The following VAC14 variants were observed in gnomAD, a reference collection of about 807,000 sequenced individuals.
VAC14 encodes the protein VAC14 component of PIKFYVE complex, also known as protein VAC14 homolog.
Under a neutral mutation model 85.3 loss-of-function variants are expected in VAC14, and 47 were observed. The observed-to-expected ratio is 0.55, with a 90% CI of 0.44 to 0.70. The LOEUF is 0.70. Among genes scored for constraint, VAC14 ranks in the 30% least tolerant of loss-of-function variants. The pLI is 0.00. For missense variants in VAC14, 861 were observed against 1,004.3 expected (o/e 0.86, Z 1.93); for synonymous variants, 447 against 430.5 (o/e 1.04, Z -0.47).
chr16:70,692,943 C>A lies in VAC14; in HGVS notation c.2064G>T (p.Lys688Asn). ...GGGCCTTGATCAGGTAGGGGTTGTT[C>A]TTCACGTCCAGCAGCTGCAGGCGCA... ...TYLRLQLLDV[K>N]NNPYLIKALY... is the part of the protein sequence containing the mutation. The change falls in exon 18 of 19, where the codon AAG (lysine) becomes AAT (asparagine). Residue 688 changes from lysine (K) to asparagine (N), a missense_variant. By Grantham distance (94) the Lys-to-Asn change is moderately conservative. This residue lies in a region of VAC14 where 163 missense variants were observed against 162.2 expected (regional missense o/e 1.00). Coordinates refer to ENST00000261776, the MANE Select transcript of VAC14 (RefSeq NM_018052.5). 1 of 1,611,332 alleles carries A rather than the reference C, an allele frequency of 6.2e-7. No homozygotes were observed. Among genetic ancestry groups the A allele is most frequent in the East Asian group, 2.2e-5 (1 of 44,838 alleles).
intron 12 of VAC14, among the ~76,000 whole-genome samples, chr16:70,745,373 T>C (rs1418209043): frequency 2.6e-5 from 4 of 152,120 alleles, no homozygotes; most frequent in Non-Finnish European, 5.9e-5. Flanking sequence ...ACAGCACCCA[T>C]CTTTGCCTGG....
chr16:70,787,187 C>T (rs1449928205), intron 1 of VAC14, among the ~76,000 whole-genome samples: 1 of 152,162 alleles, frequency 6.6e-6, no homozygotes. Context: ...TGGGCTGGGG[C>T]AGGCATGGGT....
chr16:70,743,015 A>G (rs955228296), intron 13 of VAC14, among the ~76,000 whole-genome samples: 2 of 152,028 alleles, frequency 1.3e-5, no homozygotes, highest in African/African-American at 2.4e-5. Context: ...AAATGCACCA[A>G]TCAGCACTCT....
intron 12 of VAC14, among the ~76,000 whole-genome samples, chr16:70,746,342 T>C (rs2143013946): frequency 6.6e-6 from 1 of 152,340 alleles, no homozygotes; most frequent in East Asian, 1.9e-4. Flanking sequence ...TGTCCAATTC[T>C]GTCCTTCCCT....
chr16:70,740,770 C>G (rs76005315), intron 13 of VAC14, among the ~76,000 whole-genome samples: 1,748 of 152,336 alleles, frequency 0.011, 23 homozygotes, highest in African/African-American at 0.028. Flanking sequence ...CCCGATTCTG[C>G]GGCTCTGCAC....
chr16:70,744,779 A>C (rs2030709223), intron 12 of VAC14, 200 bp from the exon 13 acceptor site: 1 of 555,840 alleles, frequency 1.8e-6, no homozygotes, highest in Non-Finnish European at 3.0e-6. Context: ...TGAAGGGAAC[A>C]CAGACTACAG....
intron 14 of VAC14, among the ~76,000 whole-genome samples, chr16:70,729,457 C>T (rs1195782651): frequency 1.3e-5 from 2 of 152,162 alleles, no homozygotes; most frequent in African/African-American, 2.4e-5. Flanking sequence ...AGGGTGCCCT[C>T]AACTCCACCT....
chr16:70,711,185 G>A (rs541344374), intron 14 of VAC14, among the ~76,000 whole-genome samples: 1 of 152,336 alleles, frequency 6.6e-6, no homozygotes, highest in Non-Finnish European at 1.5e-5. Context: ...GACCACGTGC[G>A]GGCCTCACCT....
intron 16 of VAC14, 69 bp downstream of exon 16, chr16:70,697,070 G>T: frequency 7.4e-7 from 1 of 1,350,974 alleles, no homozygotes; most frequent in Non-Finnish European, 1.1e-6. Flanking sequence ...CTGTTGGGTG[G>T]AAAGGGGGCA....
chr16:70,719,152 A>G (rs1174395065), intron 14 of VAC14, among the ~76,000 whole-genome samples: 1 of 152,190 alleles, frequency 6.6e-6, no homozygotes, highest in Non-Finnish European at 1.5e-5. Context: ...GCTTTTACAA[A>G]GCACAAACAG....
chr16:70,800,874 C>A lies in VAC14; in HGVS notation c.27G>T (p.Pro9=), dbSNP rs1347587228. ...GGGCGCGCACGATGTTAGGCGTGAG[C>A]GGCGCGAAATCCTTCTCGGGGTTCA... MNPEKDFA[P]LTPNIVRALN... is the part of the protein sequence containing the mutation. Residue 9 remains proline (P), a synonymous_variant, in exon 1 of 19, where the codon CCG becomes CCT. Transcript: ENST00000261776. The A allele has an allele frequency of 6.2e-7, 1 of 1,602,646 alleles. No individual in the cohort carries two copies.
Position 70,762,919 on chromosome 16 carries a change from T to C in VAC14, c.1267A>G (p.Lys423Glu). 6.2e-7 allele frequency: 1 copy of C among 1,614,148 alleles called. No homozygotes were observed. The change falls in exon 11 of 19, where the codon AAG (lysine) becomes GAG (glutamate). Residue 423 changes from lysine to glutamate, a missense_variant. Physicochemically the swap from Lys to Glu is moderately conservative, Grantham distance 56. Coordinates refer to ENST00000261776, the MANE Select transcript of VAC14 (RefSeq NM_018052.5). The surrounding 1 kb of genome is among the most constrained non-coding windows in gnomAD (Gnocchi z 4.1). ...TTGATGTAGAGGTGGTAGAGCCACT[T>C]GAGAACTGCAATCCTGGTCATCATC... The part of the protein sequence containing the change: ...IGMMTRIAVL[K>E]WLYHLYIKTP...
chr16:70,733,029 G>A (rs1007214820), intron 13 of VAC14, among the ~76,000 whole-genome samples: 1 of 152,198 alleles, frequency 6.6e-6, no homozygotes, highest in African/African-American at 2.4e-5. Flanking sequence ...TTTAAAGTGT[G>A]CAATTCAGTA....
intron 9 of VAC14, among the ~76,000 whole-genome samples, chr16:70,775,520 T>G (rs746991631): frequency 2.0e-5 from 3 of 152,244 alleles, no homozygotes; most frequent in African/African-American, 7.2e-5. Flanking sequence ...TTTATTTCCA[T>G]GTCTGTACTG....
At chr16:70,736,925 G>A (rs2054773923) in intron 13 of VAC14, among the ~76,000 whole-genome samples, 1 of 152,130 alleles carries the variant, frequency 6.6e-6, no homozygotes, top group African/African-American at 2.4e-5. Flanking sequence ...GACAGGGATG[G>A]GAAAGGCCTC....
chr16:70,688,417 G>A (rs1332733725), intron 18 of VAC14: 2 of 1,019,048 alleles, frequency 2.0e-6, no homozygotes, highest in Admixed American at 1.2e-4. Context: ...TGAAAGCCAG[G>A]GCTAGCAGCC....
intron 10 of VAC14, chr16:70,770,908 G>A (rs985915861): frequency 6.6e-6 from 1 of 152,236 alleles, no homozygotes; most frequent in Non-Finnish European, 1.5e-5. Context: ...GGTGCTGAGG[G>A]ATGAGGATAA....
chr16:70,799,914 A>T (rs1018592540), intron 1 of VAC14, among the ~76,000 whole-genome samples: 1 of 152,242 alleles, frequency 6.6e-6, no homozygotes. Context: ...CTAAAGTTTA[A>T]TCTTTAATAA....
At chr16:70,758,106 A>G (rs900495090) in intron 12 of VAC14, among the ~76,000 whole-genome samples, 1 of 152,196 alleles carries the variant, frequency 6.6e-6, no homozygotes, top group African/African-American at 2.4e-5. Flanking sequence ...AACCTACAAA[A>G]AAAGACTCTA....
Sources: gnomAD v4.1 joint callset for allele counts (sites outside exome capture counted in the v4.1 genomes callset) on GRCh38, gnomAD v4.1.1 for gene constraint, gnomAD v4.1.1 regional missense constraint, Gnocchi (gnomAD v3.1) non-coding constraint, MANE v1.5 for transcripts, NCBI Gene and HGNC (gene_info 2026-07-23, HGNC 2026-07-21) for gene names.